Variants in ZNF365 observed in about 807,000 individuals in gnomAD.
ZNF365 encodes protein ZNF365.
A neutral mutation model predicts 35.0 loss-of-function variants in ZNF365; 22 were observed. That is an observed-to-expected ratio of 0.63 (90% confidence interval 0.45 to 0.90). The LOEUF (loss-of-function observed/expected upper bound fraction) is 0.90. Ranked by LOEUF, ZNF365 falls within the 40% of genes least tolerant of loss-of-function variation. The pLI is 0.00. For missense variants in ZNF365, 448 were observed against 500.3 expected (o/e 0.90, Z 1.00); for synonymous variants, 188 against 196.2 (o/e 0.96, Z 0.35).
At chr10:62,467,902 C>A (rs1252910908) in intron 4 of ZNF365, among the ~76,000 whole-genome samples, 1 of 152,142 alleles carries the variant, frequency 6.6e-6, no homozygotes, top group Non-Finnish European at 1.5e-5. Context: ...ACAAAACTTT[C>A]TATTTAATTC....
At chr10:62,408,846 C>A (rs1839942913) in intron 3 of ZNF365, among the ~76,000 whole-genome samples, 1 of 152,086 alleles carries the variant, frequency 6.6e-6, no homozygotes, top group African/African-American at 2.4e-5. Context: ...TGGTTTTGTA[C>A]CTTCATGCAA....
chr10:62,458,084 GGA>G (rs1225774605), intron 3 of ZNF365, among the ~76,000 whole-genome samples: 12 of 152,200 alleles, frequency 7.9e-5, no homozygotes, highest in Non-Finnish European at 1.5e-4. Context: ...TGGGAAAAGA[GGA>G]GAGAGATGAC....
At chr10:62,421,354 C>T (rs1840164951) in intron 3 of ZNF365, among the ~76,000 whole-genome samples, 2 of 152,128 alleles carry the variant, frequency 1.3e-5, no homozygotes. Context: ...AAGGGTGAAT[C>T]CACAGTTGAT....
At chr10:62,388,206 A>G (rs2132417590) in intron 2 of ZNF365, among the ~76,000 whole-genome samples, 190 bp from the exon 3 acceptor site, 2 of 152,286 alleles carry the variant, frequency 1.3e-5, no homozygotes, top group Middle Eastern at 3.4e-3. Flanking sequence ...TTTTATAGTG[A>G]CTATCTTCCT....
At chr10:62,394,148 C>T (rs1396313452) in intron 3 of ZNF365, among the ~76,000 whole-genome samples, 1 of 152,112 alleles carries the variant, frequency 6.6e-6, no homozygotes, top group Non-Finnish European at 1.5e-5. Context: ...GAAATACTTG[C>T]ATTCAGCTTA....
At chr10:62,475,716 G>A (rs1841118911) in intron 4 of ZNF365, among the ~76,000 whole-genome samples, 1 of 152,210 alleles carries the variant, frequency 6.6e-6, no homozygotes, top group Non-Finnish European at 1.5e-5. Flanking sequence ...TTTCCTCCCA[G>A]TGAGTTCACT....
intron 3 of ZNF365, among the ~76,000 whole-genome samples, chr10:62,394,361 T>A (rs1037760745): frequency 9.2e-5 from 14 of 152,210 alleles, no homozygotes; most frequent in African/African-American, 2.9e-4. Flanking sequence ...TGTGTCCCCC[T>A]CCTCACTGAG....
In ZNF365 at chr10:62,376,385, C is replaced by G. The variant is rs1452720901; in HGVS notation, c.192C>G (p.Leu64=). ...GAACCCTCTTGACAAAATGCAGTCT[C>G]TTTCCATCCCTCAAAGACACAGACC... ...EERTLLTKCS[L]FPSLKDTDLV... The change falls in exon 2 of 5, where the codon CTC becomes CTG. Residue 64 remains leucine (L), a synonymous_variant. Transcript: ENST00000395254. The G allele has an allele frequency of 1.9e-6, 3 of 1,614,118 alleles. No individual in the cohort carries two copies. Among genetic ancestry groups the G allele is most frequent in the Non-Finnish European group, 2.5e-6 (3 of 1,179,982 alleles).
intron 3 of ZNF365, among the ~76,000 whole-genome samples, chr10:62,428,806 A>G (rs1840290608): frequency 6.6e-6 from 1 of 152,190 alleles, no homozygotes; most frequent in Non-Finnish European, 1.5e-5. Flanking sequence ...TTCCCTAGAT[A>G]TGTTCTTTTT....
intron 3 of ZNF365, among the ~76,000 whole-genome samples, chr10:62,392,590 T>C (rs1189579442): frequency 1.4e-5 from 2 of 147,866 alleles, no homozygotes; most frequent in Non-Finnish European, 3.0e-5. Flanking sequence ...TTCTGTTCCA[T>C]TGGTCTATGT....
chr10:62,466,489 G>A (rs573503645), intron 4 of ZNF365, among the ~76,000 whole-genome samples: 4 of 152,222 alleles, frequency 2.6e-5, no homozygotes, highest in South Asian at 2.1e-4. Flanking sequence ...AGCACGGGCC[G>A]AGCACAGCCT....
chr10:62,394,108 T>A (rs1839681796), intron 3 of ZNF365, among the ~76,000 whole-genome samples: 1 of 152,188 alleles, frequency 6.6e-6, no homozygotes, highest in Admixed American at 6.5e-5. Flanking sequence ...GGACCAGAAA[T>A]GTTTCAGATT....
intron 4 of ZNF365, among the ~76,000 whole-genome samples, chr10:62,459,983 A>C (rs1840821335): frequency 6.6e-6 from 1 of 152,242 alleles, no homozygotes; most frequent in African/African-American, 2.4e-5. Context: ...TCTTCCTTTA[A>C]AATGAGGGTC....
chr10:62,405,580 A>G (rs1490462390), downstream of ZNF365, among the ~76,000 whole-genome samples: 3 of 152,204 alleles, frequency 2.0e-5, no homozygotes, highest in Non-Finnish European at 2.9e-5. Context: ...TCTGTTTAAC[A>G]TTTATGATTG....
chr10:62,465,135 C>T (rs1840917593), intron 4 of ZNF365, among the ~76,000 whole-genome samples: 1 of 152,234 alleles, frequency 6.6e-6, no homozygotes, highest in South Asian at 2.1e-4. Context: ...GTTCCCTGGC[C>T]TTGTCCTGCT....
intron 1 of ZNF365, 87 bp downstream of exon 1, chr10:62,374,545 GC>G (rs1328147257): frequency 6.6e-6 from 1 of 152,276 alleles, no homozygotes; most frequent in East Asian, 1.9e-4. Context: ...GGGTCCCCGA[GC>G]CCGCAGCATG....
Position 62,460,961 on chromosome 10 carries a change from G to T in ZNF365, c.981+1164G>T, listed in dbSNP as rs370841767. Among the ~76,000 whole-genome samples, 18 of 152,290 alleles carry T rather than the reference G, an allele frequency of 1.2e-4. 1 individual carries two copies. Among genetic ancestry groups the T allele is most frequent in the African/African-American group, 4.3e-4 (18 of 41,560 alleles). On this transcript the variant is annotated intron_variant, in intron 4 of 4. Transcript: ENST00000395255. ...AGAGAAGGAGGGTCACGCCCCCACA[G>T]AAAGATCTTCAATTTCATGTTAAAA...
intron 2 of ZNF365, among the ~76,000 whole-genome samples, chr10:62,378,057 G>A (rs1839366121): frequency 1.3e-5 from 2 of 152,156 alleles, no homozygotes; most frequent in South Asian, 4.1e-4. Context: ...TTGTTCAGGC[G>A]AGACATTTTT....
At chr10:62,465,054 T>G (rs1030002777) in intron 4 of ZNF365, among the ~76,000 whole-genome samples, 1 of 152,194 alleles carries the variant, frequency 6.6e-6, no homozygotes, top group Non-Finnish European at 1.5e-5. Flanking sequence ...CAGCTCCAGA[T>G]CCAAGCATCC....
Sources: gnomAD v4.1 joint callset for allele counts (sites outside exome capture counted in the v4.1 genomes callset) on GRCh38, gnomAD v4.1.1 for gene constraint, MANE v1.5 for transcripts, NCBI Gene and HGNC (gene_info 2026-07-23, HGNC 2026-07-21) for gene names.